FAM184A: variants seen among roughly 807,000 people sequenced by gnomAD.
FAM184A encodes protein FAM184A.
In FAM184A, 99 loss-of-function variants were observed where a neutral mutation model predicts 143.8. The ratio of observed to expected loss-of-function variants is 0.69; its 90% CI spans 0.58 to 0.81. The LOEUF (loss-of-function observed/expected upper bound fraction) is 0.81. FAM184A is among the 40% of genes least tolerant of loss of function. FAM184A has a pLI of 0.00. For missense variants in FAM184A, 1,217 were observed against 1,310.5 expected (o/e 0.93, Z 1.10); for synonymous variants, 427 against 446.4 (o/e 0.96, Z 0.55).
chr6:119,040,936 G>C (rs1453275071), intron 1 of FAM184A, among the ~76,000 whole-genome samples: 1 of 152,162 alleles, frequency 6.6e-6, no homozygotes, highest in Non-Finnish European at 1.5e-5. Context: ...AACAAATGTT[G>C]CACTCTTGAA....
intron 1 of FAM184A, among the ~76,000 whole-genome samples, chr6:119,034,637 C>A (rs1786042095): frequency 6.6e-6 from 1 of 150,738 alleles, no homozygotes; most frequent in Non-Finnish European, 1.5e-5. Flanking sequence ...TTTTAGAGAG[C>A]CTAGGCTGGA....
chr6:119,013,924 C>T (rs978029147), intron 5 of FAM184A, among the ~76,000 whole-genome samples: 5 of 152,070 alleles, frequency 3.3e-5, no homozygotes, highest in Admixed American at 2.0e-4. Flanking sequence ...ATCTCCAAGT[C>T]GTAAGTATTA....
chr6:119,113,202 T>A (rs1202704003), intron 1 of FAM184A, among the ~76,000 whole-genome samples: 1 of 151,190 alleles, frequency 6.6e-6, no homozygotes, highest in Non-Finnish European at 1.5e-5. Flanking sequence ...CTCAACCCTT[T>A]AAAAAAAAAT....
chr6:119,077,085 C>T (rs1787899583), intron 1 of FAM184A, among the ~76,000 whole-genome samples: 1 of 152,048 alleles, frequency 6.6e-6, no homozygotes. Flanking sequence ...TCTTTTTATT[C>T]TCTTTTCAAC....
chr6:119,079,316 G>A (rs1424113238), upstream of FAM184A: 1 of 152,160 alleles, frequency 6.6e-6, no homozygotes, highest in Non-Finnish European at 1.5e-5. Context: ...ACTTTCCCGC[G>A]GTGGAGCCCA....
intron 4 of FAM184A, among the ~76,000 whole-genome samples, chr6:119,018,188 G>A (rs1310979213): frequency 6.6e-6 from 1 of 152,210 alleles, no homozygotes; most frequent in African/African-American, 2.4e-5. Flanking sequence ...GAAAGTGCAT[G>A]TGCGTGTGCA....
At chr6:119,041,083 G>A (rs1786310380) in intron 1 of FAM184A, among the ~76,000 whole-genome samples, 2 of 152,100 alleles carry the variant, frequency 1.3e-5, no homozygotes, top group African/African-American at 4.8e-5. Flanking sequence ...TCATATTCTA[G>A]GGGAGAGAAT....
intron 1 of FAM184A, among the ~76,000 whole-genome samples, chr6:119,105,926 C>T (rs1303849744): frequency 6.6e-6 from 1 of 152,138 alleles, no homozygotes; most frequent in Non-Finnish European, 1.5e-5. Flanking sequence ...GTATGTATAA[C>T]TAACGTGAAG....
At position 119,093,024 on chromosome 6, in the gene FAM184A, G is replaced by A. The variant is rs545797612; in HGVS notation, c.-202+56054C>T. Reference sequence around the variant, plus strand: ...GAATTATGTCCATCTGGCCTTCGATGTTTAAGTGCAGCTACCTGGACTCTC... The same window carrying A: ...GAATTATGTCCATCTGGCCTTCGATATTTAAGTGCAGCTACCTGGACTCTC... On this transcript the variant is annotated intron_variant, in intron 1 of 16. Coordinates refer to the FAM184A transcript ENST00000352896. Among the ~76,000 whole-genome samples the A allele has an allele frequency of 1.2e-4, 19 of 152,288 alleles. 1 individual carries two copies. In the South Asian group the frequency reaches 3.1e-3, roughly 25 times the overall value.
intron 15 of FAM184A, among the ~76,000 whole-genome samples, chr6:118,965,023 T>C (rs1206226725): frequency 6.6e-6 from 1 of 152,174 alleles, no homozygotes; most frequent in Non-Finnish European, 1.5e-5. Context: ...AATGTTTTAT[T>C]TGGTCCTAGC....
chr6:119,055,310 G>C (rs1444821819), intron 1 of FAM184A, among the ~76,000 whole-genome samples: 1 of 152,096 alleles, frequency 6.6e-6, no homozygotes, highest in Non-Finnish European at 1.5e-5. Flanking sequence ...TAACAGTTGG[G>C]TTGTTTCCAT....
chr6:119,094,334 C>T (rs748680889), intron 1 of FAM184A, among the ~76,000 whole-genome samples: 2 of 152,146 alleles, frequency 1.3e-5, no homozygotes, highest in African/African-American at 4.8e-5. Context: ...GACCTGAACT[C>T]GTCTTTTTCT....
intron 4 of FAM184A, among the ~76,000 whole-genome samples, chr6:119,018,910 G>T (rs890318714): frequency 1.3e-5 from 2 of 152,064 alleles, no homozygotes; most frequent in East Asian, 3.8e-4. Context: ...TGGTGCTATT[G>T]GTTGAAATAA....
At chr6:118,962,048 A>C (rs1000209576) in intron 16 of FAM184A, 85 bp from the exon 17 acceptor site, 4 of 1,413,168 alleles carry the variant, frequency 2.8e-6, no homozygotes, top group East Asian at 4.6e-5. Flanking sequence ...GAAATTTGGC[A>C]TGGGAAAATT....
chr6:119,130,753 T>A (rs545910935), intron 1 of FAM184A, among the ~76,000 whole-genome samples: 1 of 152,296 alleles, frequency 6.6e-6, no homozygotes, highest in East Asian at 1.9e-4. Flanking sequence ...GAAACTCTAG[T>A]TTGAATATCA....
chr6:118,973,278 A>G (rs148418431), intron 14 of FAM184A, among the ~76,000 whole-genome samples: 61 of 152,146 alleles, frequency 4.0e-4, no homozygotes, highest in African/African-American at 1.4e-3. Context: ...GGTGTTGCCT[A>G]TGTATGTAAC....
intron 9 of FAM184A, among the ~76,000 whole-genome samples, chr6:118,993,734 T>C (rs1234079651): frequency 3.3e-5 from 5 of 152,160 alleles, no homozygotes; most frequent in Non-Finnish European, 7.4e-5. Context: ...GTCCGGAAAA[T>C]ATAAATCTGA....
chr6:119,082,905 C>T (rs888852018), upstream of FAM184A, among the ~76,000 whole-genome samples: 1 of 152,226 alleles, frequency 6.6e-6, no homozygotes, highest in African/African-American at 2.4e-5. Context: ...TTTGACCCCA[C>T]ATTTCCCTTC....
rs146681716 is a variant in FAM184A at position 119,033,905 on chromosome 6, T to C, written c.160-9092A>G. ...TACCCAGGAGGCTGAGGCAGGAGAA[T>C]TGCTTGTCCTGGGAGGCAGAGGCTG... is the stretch of plus-strand genomic sequence containing the variant. On this transcript the variant is annotated intron_variant, in intron 1 of 17. Transcript: ENST00000338891. 7.7e-3 allele frequency among the ~76,000 whole-genome samples: 1,076 copies of C among 139,682 alleles called. 8 individuals carry two copies. Among genetic ancestry groups the C allele is most frequent in the African/African-American group, 0.028 (1,024 of 36,788 alleles). 91.6% of individuals were successfully genotyped at this position (139,682 alleles called of 152,430 possible).
Sources: allele counts gnomAD v4.1 joint callset (sites outside exome capture counted in the v4.1 genomes callset), GRCh38; gene constraint gnomAD v4.1.1; transcripts MANE v1.5; gene names NCBI Gene and HGNC (gene_info 2026-07-23, HGNC 2026-07-21).